The following MEIS2 variants were observed in gnomAD, a reference collection of about 807,000 sequenced individuals.
MEIS2 encodes the protein Meis homeobox 2.
In MEIS2, 9 loss-of-function variants were observed where a neutral mutation model predicts 58.6. The ratio of observed to expected loss-of-function variants is 0.15; its 90% confidence interval spans 0.09 to 0.27. MEIS2 has a LOEUF of 0.27. Ranked by LOEUF, MEIS2 falls within the 10% of genes least tolerant of loss-of-function variation. The pLI is 1.00. For missense variants in MEIS2, 427 were observed against 635.0 expected, an observed-to-expected ratio of 0.67 and a Z score of 3.52; for synonymous variants, 221 against 228.4, an observed-to-expected ratio of 0.97 and a Z score of 0.29.
chr15:37,061,538 A>G (rs1432082291), intron 7 of MEIS2, among the ~76,000 whole-genome samples: 4 of 152,218 alleles, frequency 2.6e-5, no homozygotes, highest in African/African-American at 9.7e-5. Flanking sequence ...AGGTAGCCGC[A>G]CTAAAAATTT....
intron 8 of MEIS2, among the ~76,000 whole-genome samples, chr15:36,984,507 G>A (rs1240565692): frequency 6.6e-6 from 1 of 151,920 alleles, no homozygotes; most frequent in African/African-American, 2.4e-5. Context: ...TTTTACTGAG[G>A]GATTTTTGCA....
At chr15:37,031,419 A>ATGTGTGTG (rs1330138116) in intron 8 of MEIS2, among the ~76,000 whole-genome samples, 12 of 30,512 alleles carry the variant, frequency 3.9e-4, no homozygotes, top group South Asian at 2.2e-3. Context: ...CCTCCCTTGC[A>ATGTGTGTG]TATGTGTGTG....
chr15:37,014,823 C>T (rs1035860573), intron 8 of MEIS2, among the ~76,000 whole-genome samples: 12 of 146,020 alleles, frequency 8.2e-5, no homozygotes, highest in African/African-American at 3.0e-4. Context: ...TCCCTTCAGG[C>T]ACTTAGGTCA....
chr15:36,950,213 T>G, intron 9 of MEIS2, 111 bp downstream of exon 9: 1 of 960,846 alleles, frequency 1.0e-6, no homozygotes, highest in Non-Finnish European at 1.6e-6. Flanking sequence ...ACACAGAAGT[T>G]ATCCTCCTCG....
chr15:37,069,730 G>A (rs1240477674), intron 7 of MEIS2, among the ~76,000 whole-genome samples: 2 of 152,138 alleles, frequency 1.3e-5, no homozygotes, highest in East Asian at 3.9e-4. Flanking sequence ...AAGAGAGTCA[G>A]CGAAAAATTT....
chr15:37,001,727 G>A (rs2060736363), intron 8 of MEIS2, among the ~76,000 whole-genome samples: 1 of 152,034 alleles, frequency 6.6e-6, no homozygotes, highest in Admixed American at 6.6e-5. Context: ...CAGATCACAT[G>A]CACTATATTA....
At chr15:37,076,874 T>C (rs1596081317) in intron 7 of MEIS2, among the ~76,000 whole-genome samples, 1 of 152,064 alleles carries the variant, frequency 6.6e-6, no homozygotes, top group Non-Finnish European at 1.5e-5. Flanking sequence ...GTTATAAATA[T>C]ACATATATAT....
At chr15:37,097,024 G>C (rs1894344747) in intron 2 of MEIS2, among the ~76,000 whole-genome samples, 1 of 152,154 alleles carries the variant, frequency 6.6e-6, no homozygotes, top group African/African-American at 2.4e-5. Context: ...CAGTGTGGGG[G>C]CCAAAATAAT....
At chr15:36,907,085 G>A (rs183155598) in intron 9 of MEIS2, among the ~76,000 whole-genome samples, 82 of 152,284 alleles carry the variant, frequency 5.4e-4, no homozygotes, top group Admixed American at 4.8e-3. Flanking sequence ...TTATCAGAGA[G>A]TTTTTAAAAC....
chr15:36,889,854 G>A lies in MEIS2; in HGVS notation c.*2319C>T, dbSNP rs962049718. The stretch of plus-strand genomic sequence containing the variant: ...GTAAAATAGAATAGCAAAAATGAGA[G>A]GGAAGCTATCTCTCTTTCCCAAGTG... On this transcript the variant is annotated 3_prime_UTR_variant, in exon 12 of 12. Coordinates refer to ENST00000561208, the MANE Select transcript of MEIS2 (RefSeq NM_170675.5). 1.3e-5 allele frequency: 2 copies of A among 152,110 alleles called. No homozygotes were observed. The highest frequency in any genetic ancestry group is 4.8e-5 in the African/African-American group (2 of 41,430). 9.4% of individuals were successfully genotyped at this position (152,110 alleles called of 1,614,324 possible).
In MEIS2 at chr15:36,954,480, TTATAAATTAAA is replaced by T. The variant is rs574865622; in HGVS notation, c.901-4091_901-4081del. On this transcript the variant is annotated intron_variant, in intron 8 of 11. Coordinates refer to ENST00000561208, the MANE Select transcript of MEIS2 (RefSeq NM_170675.5). Reference sequence around the variant, plus strand: ...AATTATATATAATTATATAAATTAATTATAAATTAAATATAAATTAACTATAATTTATATAC... The same window carrying T: ...AATTATATATAATTATATAAATTAATTATAAATTAACTATAATTTATATAC... 8.1e-3 allele frequency among the ~76,000 whole-genome samples: 1,198 copies of T among 148,124 alleles called. 10 individuals carry two copies. Among genetic ancestry groups the T allele is most frequent in the Non-Finnish European group, 0.013 (884 of 67,162 alleles).
At chr15:37,037,693 C>CA in intron 7 of MEIS2, among the ~76,000 whole-genome samples, 1 of 152,316 alleles carries the variant, frequency 6.6e-6, no homozygotes, top group African/African-American at 2.4e-5. Flanking sequence ...TGCCCTCTGG[C>CA]AAAAATGCCT....
At chr15:36,930,870 G>A (rs969461239) in intron 9 of MEIS2, among the ~76,000 whole-genome samples, 2 of 152,152 alleles carry the variant, frequency 1.3e-5, no homozygotes, top group Non-Finnish European at 2.9e-5. Context: ...ACCTCTCTTT[G>A]TGGGTTTGAT....
intron 9 of MEIS2, among the ~76,000 whole-genome samples, chr15:36,925,155 A>C (rs2057694060): frequency 6.6e-6 from 1 of 152,218 alleles, no homozygotes; most frequent in East Asian, 1.9e-4. Context: ...CAAAACAGGA[A>C]CAGAAAGAAA....
intron 7 of MEIS2, among the ~76,000 whole-genome samples, chr15:37,075,503 T>A (rs1891281631): frequency 6.6e-6 from 1 of 152,074 alleles, no homozygotes; most frequent in South Asian, 2.1e-4. Flanking sequence ...TCCAAAGAGT[T>A]CATTTATGTT....
At chr15:36,938,606 T>C (rs2058261859) in intron 9 of MEIS2, among the ~76,000 whole-genome samples, 1 of 152,264 alleles carries the variant, frequency 6.6e-6, no homozygotes, top group South Asian at 2.1e-4. Context: ...ACCTATCATC[T>C]ACCACGACTG....
chr15:36,952,071 T>C (rs1034978669), intron 8 of MEIS2, among the ~76,000 whole-genome samples: 2 of 152,154 alleles, frequency 1.3e-5, no homozygotes, highest in East Asian at 3.9e-4. Flanking sequence ...ATACTCCTCC[T>C]AACACTCTGA....
chr15:37,011,532 C>T (rs1225351782), intron 8 of MEIS2, among the ~76,000 whole-genome samples: 1 of 148,306 alleles, frequency 6.7e-6, no homozygotes, highest in East Asian at 2.0e-4. Context: ...TGTGCGTTGT[C>T]AGTAGCTGCA....
intron 6 of MEIS2, among the ~76,000 whole-genome samples, chr15:37,091,736 T>C (rs566744450): frequency 6.6e-6 from 1 of 152,318 alleles, no homozygotes; most frequent in South Asian, 2.1e-4. Flanking sequence ...AACATCAACA[T>C]GGTCTAGCTG....
Sources: gnomAD v4.1 joint callset for allele counts (sites outside exome capture counted in the v4.1 genomes callset) on GRCh38, gnomAD v4.1.1 for gene constraint, MANE v1.5 for transcripts, NCBI Gene and HGNC (gene_info 2026-07-23, HGNC 2026-07-21) for gene names.